Variants in PGLYRP4 observed in about 807,000 individuals in gnomAD.
PGLYRP4 encodes the protein peptidoglycan recognition protein 4.
Under a neutral mutation model 41.2 loss-of-function variants are expected in PGLYRP4, and 39 were observed. The observed-to-expected ratio is 0.95, with a 90% CI of 0.73 to 1.24. The LOEUF (loss-of-function observed/expected upper bound fraction) is 1.24, where lower values mean the gene tolerates loss of function less well. Among genes scored for constraint, PGLYRP4 ranks in the 50% most tolerant of loss-of-function variants. PGLYRP4 has a pLI of 0.00. For missense variants in PGLYRP4, 467 were observed against 460.7 expected (o/e 1.01, Z -0.13); for synonymous variants, 202 against 186.8 (o/e 1.08, Z -0.66).
intron 6 of PGLYRP4, among the ~76,000 whole-genome samples, chr1:153,340,885 T>C (rs1158040499): frequency 6.6e-6 from 1 of 152,374 alleles, no homozygotes; most frequent in Middle Eastern, 3.4e-3. Context: ...ACTCAAGGCT[T>C]TAATATAATA....
At chr1:153,338,787 C>T (rs1660673770) in intron 7 of PGLYRP4, among the ~76,000 whole-genome samples, 1 of 152,220 alleles carries the variant, frequency 6.6e-6, no homozygotes, top group South Asian at 2.1e-4. Context: ...GGGATTGCTT[C>T]CTTCACGCCT....
Position 153,330,608 on chromosome 1 carries a change from G to T in PGLYRP4, c.*159C>A, listed in dbSNP as rs1557820265. On this transcript the variant is annotated 3_prime_UTR_variant, in exon 9 of 9. Transcript: ENST00000359650. ...TGAGGTTTGGAGGCCCTTGGAGGAT[G>T]TTGGCAGGAGAGGGCATGATCATCC... 2.1e-5 allele frequency: 12 copies of T among 558,152 alleles called. No homozygotes were observed. Among genetic ancestry groups the T allele is most frequent in the Non-Finnish European group, 3.6e-5 (11 of 307,460 alleles). The allele number at this position is 558,152 out of a possible 1,614,324, so 34.6% of individuals were successfully genotyped here. A position where few individuals can be genotyped will look rare whatever the true frequency, so the allele number is the denominator to read the frequency against.
intron 8 of PGLYRP4, among the ~76,000 whole-genome samples, chr1:153,332,536 A>G (rs557408179): frequency 6.6e-6 from 1 of 152,346 alleles, no homozygotes; most frequent in African/African-American, 2.4e-5. Context: ...TAGACCTAGC[A>G]GACATTTACA....
At chr1:153,339,694 A>G (rs1171999095) in intron 7 of PGLYRP4, among the ~76,000 whole-genome samples, 1 of 152,202 alleles carries the variant, frequency 6.6e-6, no homozygotes, top group Non-Finnish European at 1.5e-5. Flanking sequence ...AGTTTTTAAA[A>G]TCAATACTTT....
intron 2 of PGLYRP4, 45 bp downstream of exon 2, chr1:153,347,839 A>G: frequency 7.1e-7 from 1 of 1,404,968 alleles, no homozygotes; most frequent in South Asian, 1.2e-5. Context: ...AGACTTTAGG[A>G]TCACCCTTCT....
At chr1:153,332,229 A>T (rs1030096734) in intron 8 of PGLYRP4, among the ~76,000 whole-genome samples, 2 of 152,204 alleles carry the variant, frequency 1.3e-5, no homozygotes, top group South Asian at 4.1e-4. Context: ...GAAGTTCATT[A>T]TGTAATGATA....
chr1:153,348,183 A>G (rs1661097959), intron 1 of PGLYRP4, among the ~76,000 whole-genome samples: 1 of 152,156 alleles, frequency 6.6e-6, no homozygotes, highest in Non-Finnish European at 1.5e-5. Flanking sequence ...ACTCAATTTC[A>G]TCACGTGCCC....
chr1:153,337,299 G>A lies in PGLYRP4; in HGVS notation c.825C>T (p.Asn275=). 1 of 1,588,156 alleles carries A rather than the reference G, an allele frequency of 6.3e-7. No individual in the cohort carries two copies. Among genetic ancestry groups the A allele is most frequent in the Non-Finnish European group, 8.6e-7 (1 of 1,163,364 alleles). The change falls in exon 8 of 9, where the codon AAC becomes AAT. Residue 275 remains asparagine (N), a splice_region_variant and synonymous_variant. Transcript: ENST00000359650. ...TGGCGCCATCCTGGCCCACCAGGAA[G>A]CTAGAGGACCACAAGGGGAGATGGA... The part of the protein sequence containing the change: ...DRLKSCDIGY[N]FLVGQDGAIY...
At chr1:153,343,638 T>C (rs370040750) in intron 4 of PGLYRP4, among the ~76,000 whole-genome samples, 1 of 152,168 alleles carries the variant, frequency 6.6e-6, no homozygotes, top group East Asian at 1.9e-4. Context: ...CTGTCCTACA[T>C]AGACTTCCCA....
chr1:153,335,990 A>G (rs1003670876), intron 8 of PGLYRP4, among the ~76,000 whole-genome samples: 3 of 152,150 alleles, frequency 2.0e-5, no homozygotes, highest in Non-Finnish European at 4.4e-5. Flanking sequence ...AAAGGCGTTG[A>G]ATCACTTCAA....
Position 153,340,389 on chromosome 1 carries a change from A to C in PGLYRP4, c.816T>G (p.Ile272Met). 1.2e-6 allele frequency: 2 copies of C among 1,614,046 alleles called. No homozygotes were observed. Among genetic ancestry groups the C allele is most frequent in the Non-Finnish European group, 8.5e-7 (1 of 1,179,952 alleles). Residue 272 changes from isoleucine (I) to methionine (M), a missense_variant, in exon 7 of 9, where the codon ATT becomes ATG. Physicochemically the swap from Ile to Met is conservative, Grantham distance 10 (BLOSUM62 1). Coordinates refer to ENST00000359650, the MANE Select transcript of PGLYRP4 (RefSeq NM_020393.4). ...FYIDRLKSCD[I>M]GYNFLVGQDG... is the part of the protein sequence containing the mutation. ...TACCCAGACCCACTCACTTATAACC[A>C]ATGTCGCATGACTTGAGCCTGTCTA...
chr1:153,336,045 CGTGT>C (rs57345412), intron 8 of PGLYRP4, among the ~76,000 whole-genome samples: 66,106 of 150,270 alleles, frequency 0.44, 14,563 homozygotes, highest in East Asian at 0.56. Flanking sequence ...AGGGTGCGTG[CGTGT>C]GTGTGTGTGT....
At chr1:153,337,059 C>T (rs1261197155) in intron 8 of PGLYRP4, 122 bp downstream of exon 8, 7 of 798,962 alleles carry the variant, frequency 8.8e-6, no homozygotes, top group Non-Finnish European at 1.5e-5. Context: ...GGATTGGAAG[C>T]TGGGTCAATC....
intron 8 of PGLYRP4, among the ~76,000 whole-genome samples, chr1:153,332,843 G>A (rs1660392887): frequency 6.6e-6 from 1 of 151,920 alleles, no homozygotes; most frequent in Non-Finnish European, 1.5e-5. Context: ...TGAAAATAGA[G>A]ACACAACATA....
chr1:153,345,955 G>A, intron 3 of PGLYRP4, 147 bp downstream of exon 3: 1 of 690,822 alleles, frequency 1.4e-6, no homozygotes, highest in Non-Finnish European at 2.6e-6. Context: ...AATTAATGCA[G>A]GTGGTTTACT....
chr1:153,335,050 T>G (rs1489105910), intron 8 of PGLYRP4, among the ~76,000 whole-genome samples: 2 of 152,120 alleles, frequency 1.3e-5, no homozygotes, highest in Admixed American at 6.5e-5. Context: ...TAACTCAAGA[T>G]GGATTAAAGA....
At chr1:153,337,616 C>T (rs1329275377) in intron 7 of PGLYRP4, among the ~76,000 whole-genome samples, 1 of 152,154 alleles carries the variant, frequency 6.6e-6, no homozygotes, top group Non-Finnish European at 1.5e-5. Flanking sequence ...ATTCCAGAAT[C>T]TCTAACAATC....
At chr1:153,341,499 T>A in intron 6 of PGLYRP4, 128 bp downstream of exon 6, 1 of 808,016 alleles carries the variant, frequency 1.2e-6, no homozygotes, top group East Asian at 2.6e-5. Context: ...GTTCAGAGAG[T>A]TGGGTGGCCA....
rs867207822 is a variant in PGLYRP4 at position 153,345,221 on chromosome 1, C to T, written c.301G>A (p.Glu101Lys). 3 of 1,614,000 alleles carry T rather than the reference C, an allele frequency of 1.9e-6. No individual in the cohort carries two copies. Among genetic ancestry groups the T allele is most frequent in the Non-Finnish European group, 2.5e-6 (3 of 1,180,026 alleles). ...TTGTGGACATGATGGGCCTGCAGTT[C>T]CCGCAGTCTCTGGCTGCAGACTGTC... The part of the protein sequence containing the change: ...DQTVCSQRLR[E>K]LQAHHVHNNS... Residue 101 changes from glutamate to lysine, a missense_variant, in exon 4 of 9, where the codon GAA becomes AAA. Glu to Lys is a moderately conservative substitution (Grantham distance 56). Coordinates refer to ENST00000359650, the MANE Select transcript of PGLYRP4 (RefSeq NM_020393.4).
Sources: gnomAD v4.1 joint callset for allele counts (sites outside exome capture counted in the v4.1 genomes callset) on GRCh38, gnomAD v4.1.1 for gene constraint, MANE v1.5 for transcripts, NCBI Gene and HGNC (gene_info 2026-07-23, HGNC 2026-07-21) for gene names.